The following CYP2U1 variants were observed in gnomAD, a reference collection of about 807,000 sequenced individuals.
The protein encoded by CYP2U1 is cytochrome P450 family 2 subfamily U member 1, also known as cytochrome P450 2U1.
CYP2U1 carries 28 observed loss-of-function variants against 42.8 expected under a neutral mutation model. The ratio of observed to expected loss-of-function variants is 0.65; its 90% CI spans 0.48 to 0.90. CYP2U1 has a LOEUF of 0.90. Ranked by LOEUF, CYP2U1 falls within the 40% of genes least tolerant of loss-of-function variation. The pLI is 0.00. For missense variants in CYP2U1, 642 were observed against 693.8 expected (o/e 0.93, Z 0.84); for synonymous variants, 296 against 278.9 (o/e 1.06, Z -0.61).
At chr4:107,932,255 A>G (rs911412887) in intron 1 of CYP2U1, 122 bp downstream of exon 1, 8 of 1,427,358 alleles carry the variant, frequency 5.6e-6, no homozygotes, top group Non-Finnish European at 7.3e-6. Flanking sequence ...TCACACCTGC[A>G]TCCTGAACTA....
In CYP2U1 at chr4:107,949,331, A is replaced by C. The variant is rs367948785; in HGVS notation, c.1289-19A>C. 3.4e-6 allele frequency: 5 copies of C among 1,487,814 alleles called. No individual in the cohort carries two copies. Among genetic ancestry groups the C allele is most frequent in the Non-Finnish European group, 4.5e-6 (5 of 1,114,000 alleles). The allele number at this position is 1,487,814 out of a possible 1,614,324, so 92.2% of individuals were successfully genotyped here. On this transcript the variant is annotated intron_variant, in intron 3 of 4. Transcript: ENST00000332884. ...TAAAAGCATACTGAATAACACCCATATGTTTCCTTTTGTTTTAGTGCTCCA... is the reference window on the plus strand; with the variant it reads ...TAAAAGCATACTGAATAACACCCATCTGTTTCCTTTTGTTTTAGTGCTCCA...
chr4:107,945,328 A>AT lies in CYP2U1; in HGVS notation c.852dup (p.Lys285Ter). On this transcript the variant is annotated frameshift_variant, in exon 2 of 5. Transcript: ENST00000332884. LOFTEE classifies it high-confidence loss of function. ...GGCTTTATTACCTTCCCTTTGGACC[A>AT]TTTAAGGAATTAAGACAAATTGAAA... 1 of 1,614,170 alleles carries AT rather than the reference A, an allele frequency of 6.2e-7. No individual in the cohort carries two copies. The highest frequency in any genetic ancestry group is 1.1e-5 in the South Asian group (1 of 91,078).
Position 107,945,587 on chromosome 4 carries a change from C to A in CYP2U1, c.1108C>A (p.Leu370Met). Residue 370 changes from leucine to methionine, a missense_variant, in exon 2 of 5, where the codon CTG (leucine) becomes ATG (methionine). By Grantham distance (15) the Leu-to-Met change is conservative. Transcript: ENST00000332884. ...SLLWCLLYMS[L>M]NPDVQEKVHE... ...GCTCTGGTGCCTGCTGTATATGTCGCTGAACCCCGATGTACAAGGTAATTA... is the reference window on the plus strand; with the variant it reads ...GCTCTGGTGCCTGCTGTATATGTCGATGAACCCCGATGTACAAGGTAATTA... 6.3e-7 allele frequency: 1 copy of A among 1,585,842 alleles called. No homozygotes were observed. Among genetic ancestry groups the A allele is most frequent in the Non-Finnish European group, 8.6e-7 (1 of 1,165,288 alleles).
chr4:107,946,563 A>C (rs1382594189), intron 2 of CYP2U1, among the ~76,000 whole-genome samples: 2 of 151,722 alleles, frequency 1.3e-5, no homozygotes, highest in African/African-American at 4.8e-5. Flanking sequence ...TATAGATGTG[A>C]TTATACCTAC....
At chr4:107,948,892 T>G (rs1009947355) in intron 3 of CYP2U1, among the ~76,000 whole-genome samples, 2 of 152,158 alleles carry the variant, frequency 1.3e-5, no homozygotes, top group Non-Finnish European at 2.9e-5. Context: ...AAGCGCATAT[T>G]GACTTGTCAG....
Position 107,945,088 on chromosome 4 carries a change from C to T in CYP2U1, c.609C>T (p.Phe203=). Residue 203 remains phenylalanine, a synonymous_variant, in exon 2 of 5, where the codon TTC becomes TTT. Coordinates refer to ENST00000332884, the MANE Select transcript of CYP2U1 (RefSeq NM_183075.3). ...LSLEPKIIEE[F]KYVKAEMQKH... is the part of the protein sequence containing the mutation. The stretch of plus-strand genomic sequence containing the variant: ...TGGAGCCCAAGATTATTGAGGAGTT[C>T]AAATATGTGAAAGCAGAAATGCAAA... 1 of 1,613,718 alleles carries T rather than the reference C, an allele frequency of 6.2e-7. No homozygotes were observed. Among genetic ancestry groups the T allele is most frequent in the Non-Finnish European group, 8.5e-7 (1 of 1,179,936 alleles).
chr4:107,938,464 G>A (rs762643200), intron 1 of CYP2U1: 1 of 152,166 alleles, frequency 6.6e-6, no homozygotes, highest in Non-Finnish European at 1.5e-5. Flanking sequence ...TTTCCTTTTG[G>A]TGGTGAAACT....
rs536928009 is a variant in CYP2U1, at chr4:107,934,512, C to T, written c.490+2379C>T. Among the ~76,000 whole-genome samples the T allele has an allele frequency of 2.1e-4, 32 of 152,234 alleles. No homozygotes were observed. In the South Asian group the frequency reaches 5.4e-3, roughly 26 times the overall value. On this transcript the variant is annotated intron_variant, in intron 1 of 4. Transcript: ENST00000332884. ...GCCTCTTAACCGACCTGCTTGCTTCCGCTCCAGATTTTCATCCACAGAGCA... is the reference window on the plus strand; with the variant it reads ...GCCTCTTAACCGACCTGCTTGCTTCTGCTCCAGATTTTCATCCACAGAGCA...
At position 107,950,314 on chromosome 4, in the gene CYP2U1, A is replaced by C. The variant is rs1578736156; in HGVS notation, c.1526A>C (p.Gln509Pro). 1 of 1,614,138 alleles carries C rather than the reference A, an allele frequency of 6.2e-7. No individual in the cohort carries two copies. The highest frequency in any genetic ancestry group is 2.2e-5 in the East Asian group (1 of 44,870). The change falls in exon 5 of 5, where the codon CAG becomes CCG. Residue 509 changes from glutamine (Q) to proline (P), a missense_variant. By Grantham distance (76) the Gln-to-Pro change is moderately conservative. Coordinates refer to ENST00000332884, the MANE Select transcript of CYP2U1 (RefSeq NM_183075.3). ...ELFLMFVSLM[Q>P]SFAFALPEDS... Reference sequence around the variant, plus strand: ...TTCCTAATGTTTGTGAGCCTAATGCAGAGTTTCGCATTTGCTTTACCTGAG... The same window carrying C: ...TTCCTAATGTTTGTGAGCCTAATGCCGAGTTTCGCATTTGCTTTACCTGAG...
In CYP2U1 at chr4:107,949,403, T is replaced by C; in HGVS notation, c.1342T>C (p.Ser448Pro). ...CACATTGATCTTACCCAACCTGTGG[T>C]CAGTACATAGAGACCCAGCCATTTG... ...KGTLILPNLWSVHRDPAIWEK... is the reference protein window; with the variant it reads ...KGTLILPNLWPVHRDPAIWEK... Residue 448 changes from serine to proline, a missense_variant, in exon 4 of 5, where the codon TCA becomes CCA. Ser to Pro is a moderately conservative substitution (Grantham distance 74, BLOSUM62 -1). Transcript: ENST00000332884. The C allele has an allele frequency of 6.2e-7, 1 of 1,605,192 alleles. No individual in the cohort carries two copies. Among genetic ancestry groups the C allele is most frequent in the Non-Finnish European group, 8.5e-7 (1 of 1,175,468 alleles).
At chr4:107,938,309 A>G (rs1400076725) in intron 1 of CYP2U1, 1 of 152,202 alleles carries the variant, frequency 6.6e-6, no homozygotes, top group African/African-American at 2.4e-5. Flanking sequence ...TAGTTTTGGG[A>G]TAAGAATAGC....
chr4:107,947,256 T>A, intron 2 of CYP2U1, 120 bp from the exon 3 acceptor site: 1 of 819,330 alleles, frequency 1.2e-6, no homozygotes, highest in Admixed American at 2.4e-5. Flanking sequence ...TGAGGCAGAA[T>A]CAGGCCTGAA....
chr4:107,941,718 ATTAT>A (rs1733502177), intron 1 of CYP2U1, among the ~76,000 whole-genome samples: 2 of 152,138 alleles, frequency 1.3e-5, no homozygotes, highest in African/African-American at 2.4e-5. Context: ...AGAGCTTTAA[ATTAT>A]TTATTAAGAT....
At position 107,952,377 on chromosome 4, in the gene CYP2U1, G is replaced by A. The variant is rs1055885696; in HGVS notation, c.*1954G>A. On this transcript the variant is annotated 3_prime_UTR_variant, in exon 5 of 5. Coordinates refer to ENST00000332884, the MANE Select transcript of CYP2U1 (RefSeq NM_183075.3). ...AACAGAATGTAAACTCCCACCACCT[G>A]GAGACTAGGCCATATCCAGGGACCT... The A allele has an allele frequency of 1.3e-5, 2 of 152,198 alleles. No homozygotes were observed. Among genetic ancestry groups the A allele is most frequent in the Non-Finnish European group, 2.9e-5 (2 of 68,050 alleles). 9.4% of individuals were successfully genotyped at this position (152,198 alleles called of 1,614,324 possible). A position where few individuals can be genotyped will look rare whatever the true frequency, so the allele number is the denominator to read the frequency against.
intron 1 of CYP2U1, chr4:107,938,062 C>T (rs1337075861): frequency 1.3e-5 from 2 of 152,090 alleles, no homozygotes; most frequent in Non-Finnish European, 2.9e-5. Flanking sequence ...ACAAGAATAC[C>T]TGCTTCTTCT....
rs753782656 is a variant in CYP2U1, at chr4:107,947,503, G to A, written c.1254G>A (p.Pro418=). ...TGCAGAGGCTAACTGTGGTGGTGCCGCTTGCCATTCCTCATATGACCTCAG... is the reference window on the plus strand; with the variant it reads ...TGCAGAGGCTAACTGTGGTGGTGCCACTTGCCATTCCTCATATGACCTCAG... The part of the protein sequence containing the change: ...MEVQRLTVVV[P]LAIPHMTSEN... Residue 418 remains proline, a synonymous_variant, in exon 3 of 5, where the codon CCG becomes CCA. Transcript: ENST00000332884. 31 of 1,613,936 alleles carry A rather than the reference G, an allele frequency of 1.9e-5. No individual in the cohort carries two copies. Among genetic ancestry groups the A allele is most frequent in the South Asian group, 4.4e-5 (4 of 91,078 alleles).
chr4:107,936,065 A>G (rs1733250202), intron 1 of CYP2U1: 2 of 152,138 alleles, frequency 1.3e-5, no homozygotes, highest in East Asian at 3.8e-4. Flanking sequence ...TTTATGTTTA[A>G]ATTTTTCAAA....
In CYP2U1 at chr4:107,931,891, G is replaced by T. The variant is rs1157040020; in HGVS notation, c.248G>T (p.Arg83Leu). The T allele has an allele frequency of 1.3e-6, 2 of 1,548,764 alleles. No homozygotes were observed. The highest frequency in any genetic ancestry group is 2.7e-5 in the African/African-American group (2 of 73,014). ...GHVLLPPFLR[R>L]RSWLSSRTRA... Reference sequence around the variant, plus strand: ...GTGCTGCTGCCTCCCTTCCTCCGGCGGCGGAGCTGGCTGAGCAGCAGGACC... The same window carrying T: ...GTGCTGCTGCCTCCCTTCCTCCGGCTGCGGAGCTGGCTGAGCAGCAGGACC... The change falls in exon 1 of 5, where the codon CGG becomes CTG. Residue 83 changes from arginine to leucine, a missense_variant. Transcript: ENST00000332884.
intron 1 of CYP2U1, chr4:107,937,934 A>G (rs1438171068): frequency 6.6e-6 from 1 of 152,130 alleles, no homozygotes; most frequent in Non-Finnish European, 1.5e-5. Context: ...TCTCCTGTAA[A>G]GTTCTTAGGA....
Sources: allele counts gnomAD v4.1 joint callset (sites outside exome capture counted in the v4.1 genomes callset), GRCh38; gene constraint gnomAD v4.1.1; transcripts MANE v1.5; gene names NCBI Gene and HGNC (gene_info 2026-07-23, HGNC 2026-07-21).